Variants in AOAH observed in about 807,000 individuals in gnomAD.
The protein encoded by AOAH is acyloxyacyl hydrolase.
A neutral mutation model predicts 92.2 loss-of-function variants in AOAH; 64 were observed. The observed-to-expected ratio is 0.69, with a 90% CI of 0.57 to 0.86. The LOEUF is 0.86. AOAH is among the 40% of genes least tolerant of loss of function. AOAH has a pLI of 0.00. For missense variants in AOAH, 656 were observed against 694.6 expected (o/e 0.94, Z 0.62); for synonymous variants, 263 against 254.5 (o/e 1.03, Z -0.32).
intron 13 of AOAH, among the ~76,000 whole-genome samples, chr7:36,570,630 G>A (rs986477248): frequency 6.6e-6 from 1 of 152,168 alleles, no homozygotes; most frequent in African/African-American, 2.4e-5. Context: ...AGTGCACAAA[G>A]GTTCCAGTTT....
At chr7:36,520,746 CAA>C (rs1357509188) in intron 20 of AOAH, among the ~76,000 whole-genome samples, 2 of 150,244 alleles carry the variant, frequency 1.3e-5, no homozygotes, top group Non-Finnish European at 3.0e-5. Context: ...GGGATATACA[CAA>C]ACTCTTCTAA....
At chr7:36,679,310 TA>T (rs879430418) in intron 2 of AOAH, among the ~76,000 whole-genome samples, 124 of 149,002 alleles carry the variant, frequency 8.3e-4, no homozygotes, top group Non-Finnish European at 1.1e-3. Context: ...AAAATAAAAA[TA>T]AAAAAAAGTA....
At chr7:36,616,578 C>A in intron 10 of AOAH, 104 bp from the exon 11 acceptor site, 1 of 897,366 alleles carries the variant, frequency 1.1e-6, no homozygotes, top group Non-Finnish European at 1.8e-6. Flanking sequence ...TTCCAGGCAC[C>A]GAGCATTTTC....
At chr7:36,713,837 G>C (rs1434063851) in intron 1 of AOAH, among the ~76,000 whole-genome samples, 1 of 152,082 alleles carries the variant, frequency 6.6e-6, no homozygotes. Flanking sequence ...GCGTGTAGAG[G>C]GAAATTTATA....
At chr7:36,723,075 T>G (rs559115155) in intron 1 of AOAH, among the ~76,000 whole-genome samples, 13 of 151,472 alleles carry the variant, frequency 8.6e-5, no homozygotes, top group Non-Finnish European at 1.5e-4. Flanking sequence ...AAACAATTCC[T>G]AAGTGTCAGA....
At chr7:36,681,538 A>T (rs368882131) in intron 2 of AOAH, among the ~76,000 whole-genome samples, 2 of 152,098 alleles carry the variant, frequency 1.3e-5, no homozygotes, top group East Asian at 3.9e-4. Flanking sequence ...CTACAAAAGA[A>T]AAAGGAGTGT....
intron 11 of AOAH, among the ~76,000 whole-genome samples, chr7:36,610,291 G>T (rs543917180): frequency 6.6e-6 from 1 of 151,568 alleles, no homozygotes; most frequent in Non-Finnish European, 1.5e-5. Flanking sequence ...AAACAAAGTC[G>T]TAATGAGGAA....
intron 5 of AOAH, among the ~76,000 whole-genome samples, chr7:36,635,949 G>A (rs1357511511): frequency 6.6e-6 from 1 of 152,116 alleles, no homozygotes; most frequent in Admixed American, 6.5e-5. Flanking sequence ...GTTCCCTCTA[G>A]GATCCTCTCA....
intron 1 of AOAH, among the ~76,000 whole-genome samples, chr7:36,702,154 CA>C (rs1798070677): frequency 7.2e-6 from 1 of 139,754 alleles, no homozygotes; most frequent in African/African-American, 2.5e-5. Flanking sequence ...TTGCTTTAAA[CA>C]AATTTTTATT....
At chr7:36,703,371 T>G (rs902171721) in intron 1 of AOAH, among the ~76,000 whole-genome samples, 10 of 152,192 alleles carry the variant, frequency 6.6e-5, no homozygotes, top group Non-Finnish European at 8.8e-5. Context: ...CTATGGCAGC[T>G]ATAACTTTAT....
chr7:36,550,119 C>G (rs554754732), intron 13 of AOAH: 1 of 145,082 alleles, frequency 6.9e-6, no homozygotes, highest in East Asian at 1.9e-4. Context: ...CTTTGGGAAG[C>G]TGAGGCGGGC....
chr7:36,548,280 G>T (rs1192748937), intron 15 of AOAH, among the ~76,000 whole-genome samples: 2 of 152,180 alleles, frequency 1.3e-5, no homozygotes, highest in Non-Finnish European at 2.9e-5. Context: ...CTGTCTCCTG[G>T]GTTCAAGTGA....
At chr7:36,651,727 G>A (rs1277097516) in intron 4 of AOAH, among the ~76,000 whole-genome samples, 1 of 152,182 alleles carries the variant, frequency 6.6e-6, no homozygotes, top group African/African-American at 2.4e-5. Context: ...CCAGGGCCCT[G>A]GGTTGAGTTC....
intron 1 of AOAH, among the ~76,000 whole-genome samples, chr7:36,701,102 C>T (rs948040597): frequency 6.6e-6 from 1 of 151,878 alleles, no homozygotes; most frequent in African/African-American, 2.4e-5. Flanking sequence ...TGTATTACTT[C>T]CACCTATTGT....
chr7:36,635,787 T>C (rs373758900), intron 5 of AOAH, among the ~76,000 whole-genome samples: 1 of 152,296 alleles, frequency 6.6e-6, no homozygotes, highest in East Asian at 1.9e-4. Flanking sequence ...ACTAGCTATG[T>C]GGGGTGAGCA....
intron 1 of AOAH, among the ~76,000 whole-genome samples, chr7:36,714,852 C>A (rs1013939108): frequency 6.6e-6 from 1 of 152,154 alleles, no homozygotes; most frequent in African/African-American, 2.4e-5. Flanking sequence ...CTATCTATGA[C>A]AAACCCACAG....
chr7:36,587,484 T>C (rs1435413415), intron 12 of AOAH, among the ~76,000 whole-genome samples: 1 of 152,150 alleles, frequency 6.6e-6, no homozygotes, highest in Non-Finnish European at 1.5e-5. Flanking sequence ...CTTTAATACC[T>C]TGTTACGTTA....
rs369740145 is a variant in AOAH, at chr7:36,724,141, G to T, written c.8C>A (p.Ser3Tyr). Residue 3 changes from serine to tyrosine, a missense_variant, in exon 1 of 21, where the codon TCC becomes TAC. Coordinates refer to ENST00000617537, the MANE Select transcript of AOAH (RefSeq NM_001637.4). The part of the protein sequence containing the change: MQ[S>Y]PWKILTVAPL... ...CGCCACCGTAAGGATTTTCCAGGGG[G>T]ACTGCATCTCCGAGCTATGCACCCC... 2.4e-5 allele frequency: 39 copies of T among 1,613,246 alleles called. No homozygotes were observed. Among genetic ancestry groups the T allele is most frequent in the Non-Finnish European group, 3.1e-5 (36 of 1,179,456 alleles).
chr7:36,693,937 T>C (rs1195962505), intron 1 of AOAH, among the ~76,000 whole-genome samples: 1 of 152,196 alleles, frequency 6.6e-6, no homozygotes. Context: ...GATATAGCAA[T>C]GTCACAGAAT....
Sources: allele counts gnomAD v4.1 joint callset (sites outside exome capture counted in the v4.1 genomes callset), GRCh38; gene constraint gnomAD v4.1.1; transcripts MANE v1.5; gene names NCBI Gene and HGNC (gene_info 2026-07-23, HGNC 2026-07-21).